Variants in MERTK observed in about 807,000 individuals in gnomAD.
MERTK encodes the protein tyrosine-protein kinase Mer.
MERTK carries 69 observed loss-of-function variants against 99.3 expected under a neutral mutation model. The ratio of observed to expected loss-of-function variants is 0.70; its 90% confidence interval spans 0.57 to 0.85. The LOEUF (loss-of-function observed/expected upper bound fraction) is 0.85, where lower values mean the gene tolerates loss of function less well. MERTK is among the 40% of genes least tolerant of loss of function. The pLI, the probability that MERTK is intolerant of heterozygous loss-of-function variation, is 0.00. For synonymous variants in MERTK, 426 were observed against 467.6 expected, an observed-to-expected ratio of 0.91 and a Z score of 1.15; for missense variants, 1,125 against 1,249.4, an observed-to-expected ratio of 0.90 and a Z score of 1.50.
At chr2:111,936,161 C>T (rs569125642) in intron 2 of MERTK, among the ~76,000 whole-genome samples, 37 of 152,080 alleles carry the variant, frequency 2.4e-4, no homozygotes, top group Non-Finnish European at 4.1e-4. Context: ...CATGATCTGC[C>T]CGCCTCGGCC....
chr2:111,909,747 CTGTACCCAGGGAGA>C (rs1395072537), intron 1 of MERTK, among the ~76,000 whole-genome samples: 1 of 152,130 alleles, frequency 6.6e-6, no homozygotes, highest in East Asian at 1.9e-4. Flanking sequence ...GGCCTTCTCC[CTGTACCCAGGGAGA>C]AATAAACTCC....
chr2:111,981,652 ATATAGT>A (rs1157403431), intron 7 of MERTK, among the ~76,000 whole-genome samples: 2 of 152,178 alleles, frequency 1.3e-5, no homozygotes, highest in Non-Finnish European at 2.9e-5. Flanking sequence ...ATTTTAATAG[ATATAGT>A]TAAGTTATTC....
At chr2:111,991,788 A>G (rs542876741) in intron 8 of MERTK, among the ~76,000 whole-genome samples, 1 of 152,150 alleles carries the variant, frequency 6.6e-6, no homozygotes, top group Non-Finnish European at 1.5e-5. Flanking sequence ...GGAGCTTTCC[A>G]TCCCGGGGTC....
At chr2:111,986,509 T>C (rs530167180) in intron 8 of MERTK, among the ~76,000 whole-genome samples, 2 of 152,352 alleles carry the variant, frequency 1.3e-5, no homozygotes, top group African/African-American at 2.4e-5. Flanking sequence ...CCTTTCTCCT[T>C]CTACTTCTGG....
chr2:111,903,809 A>G (rs181973437), intron 1 of MERTK, among the ~76,000 whole-genome samples: 66 of 152,340 alleles, frequency 4.3e-4, no homozygotes, highest in Non-Finnish European at 5.1e-4. Flanking sequence ...TAGAATTGTT[A>G]GGAGGACGTA....
At chr2:111,967,177 G>A (rs916534078) in intron 5 of MERTK, among the ~76,000 whole-genome samples, 3 of 152,194 alleles carry the variant, frequency 2.0e-5, no homozygotes, top group Non-Finnish European at 4.4e-5. Context: ...AGGGACACAA[G>A]CTCCAGGGTC....
chr2:111,924,567 C>A (rs932034070), intron 1 of MERTK, among the ~76,000 whole-genome samples: 1 of 152,184 alleles, frequency 6.6e-6, no homozygotes, highest in Non-Finnish European at 1.5e-5. Flanking sequence ...TGCTCTTCTT[C>A]CTCCTACTCA....
At chr2:111,908,396 T>A (rs1451095874) in intron 1 of MERTK, among the ~76,000 whole-genome samples, 4 of 152,134 alleles carry the variant, frequency 2.6e-5, no homozygotes, top group African/African-American at 4.8e-5. Context: ...GCCTGTGTAC[T>A]CACTACTTGA....
At chr2:111,901,227 A>G (rs1054368111) in intron 1 of MERTK, among the ~76,000 whole-genome samples, 5 of 152,212 alleles carry the variant, frequency 3.3e-5, no homozygotes. Context: ...CAAGATAAAT[A>G]TAAATGTGGA....
intron 16 of MERTK, among the ~76,000 whole-genome samples, chr2:112,020,153 G>A (rs1336817632): frequency 2.0e-5 from 3 of 152,354 alleles, no homozygotes; most frequent in African/African-American, 7.2e-5. Context: ...GGTCAGAGAT[G>A]TGACAATGGG....
At chr2:111,906,596 G>C (rs1169311522) in intron 1 of MERTK, among the ~76,000 whole-genome samples, 1 of 152,216 alleles carries the variant, frequency 6.6e-6, no homozygotes, top group Non-Finnish European at 1.5e-5. Flanking sequence ...TGTTGTGTGT[G>C]CCTGGAGGCC....
rs150036970 is a variant in MERTK, at chr2:111,948,794, TC to T, written c.757+1231del. On this transcript the variant is annotated intron_variant, in intron 4 of 18. Transcript: ENST00000295408. ...CTGGGCCTTTTTGCTCCCAGCCTTG[TC>T]CCCACTCCCAACTACCCTCCTGGGT... 2.9e-3 allele frequency among the ~76,000 whole-genome samples: 437 copies of T among 152,210 alleles called. 3 individuals carry two copies. The highest frequency in any genetic ancestry group is 6.4e-3 in the African/African-American group (264 of 41,522).
intron 8 of MERTK, among the ~76,000 whole-genome samples, chr2:111,993,830 G>T (rs768826547): frequency 1.3e-5 from 2 of 152,176 alleles, no homozygotes; most frequent in Admixed American, 1.3e-4. Context: ...AGGAACAGGA[G>T]CCCACTCGTG....
chr2:111,961,018 T>G (rs1225104097), intron 4 of MERTK, among the ~76,000 whole-genome samples: 1 of 151,930 alleles, frequency 6.6e-6, no homozygotes, highest in Non-Finnish European at 1.5e-5. Context: ...ATATTCCTCC[T>G]CAGTGCAATA....
Position 112,022,342 on chromosome 2 carries a change from T to C in MERTK, c.2434T>C (p.Tyr812His), listed in dbSNP as rs1190689301. The change falls in exon 18 of 19, where the codon TAT (tyrosine) becomes CAT (histidine). Residue 812 changes from tyrosine to histidine, a missense_variant. By Grantham distance (83) the Tyr-to-His change is moderately conservative. Transcript: ENST00000295408. ...PGVQNHEMYD[Y>H]LLHGHRLKQP... ...GGTCCAGAACCATGAGATGTATGACTATCTTCTCCATGGCCACAGGTTGAA... is the reference window on the plus strand; with the variant it reads ...GGTCCAGAACCATGAGATGTATGACCATCTTCTCCATGGCCACAGGTTGAA... 1.2e-6 allele frequency: 2 copies of C among 1,614,118 alleles called. No individual in the cohort carries two copies. Among genetic ancestry groups the C allele is most frequent in the African/African-American group, 2.7e-5 (2 of 74,936 alleles).
intron 8 of MERTK, among the ~76,000 whole-genome samples, chr2:111,989,564 C>G (rs184528701): frequency 1.6e-4 from 24 of 152,230 alleles, no homozygotes; most frequent in African/African-American, 5.5e-4. Flanking sequence ...ACCGTGTTAG[C>G]CAGGATGGTC....
chr2:111,904,420 G>C (rs1186875465), intron 1 of MERTK, among the ~76,000 whole-genome samples: 2 of 149,214 alleles, frequency 1.3e-5, no homozygotes, highest in Admixed American at 1.4e-4. Flanking sequence ...CTGTCGCCCA[G>C]GCTGGAGTGC....
At position 111,960,795 on chromosome 2, in the gene MERTK, G is replaced by GT. The variant is rs546726548; in HGVS notation, c.758-4394dup. On this transcript the variant is annotated intron_variant, in intron 4 of 18. Transcript: ENST00000295408. ...CTGGGGAAGAGTCGTTACAGTGGGT[G>GT]TTGGTGTCAAGATATTCAAGGTACC... Among the ~76,000 whole-genome samples, 43 of 152,062 alleles carry GT rather than the reference G, an allele frequency of 2.8e-4. 1 individual carries two copies. In the East Asian group the frequency reaches 7.9e-3, roughly 28 times the overall value.
intron 6 of MERTK, among the ~76,000 whole-genome samples, chr2:111,970,809 C>T (rs1266110511): frequency 2.0e-5 from 2 of 98,844 alleles, no homozygotes; most frequent in Non-Finnish European, 4.0e-5. Context: ...CCCCCCTCCT[C>T]CTCCTCCTCC....
Sources: gnomAD v4.1 joint callset for allele counts (sites outside exome capture counted in the v4.1 genomes callset) on GRCh38, gnomAD v4.1.1 for gene constraint, MANE v1.5 for transcripts, NCBI Gene and HGNC (gene_info 2026-07-23, HGNC 2026-07-21) for gene names.